MBOAT4: variants seen among roughly 807,000 people sequenced by gnomAD.
The protein encoded by MBOAT4 is membrane-bound ghrelin O-acyltransferase MBOAT4.
In MBOAT4, 11 loss-of-function variants were observed where a neutral mutation model predicts 13.2. That is an observed-to-expected ratio of 0.84 (90% CI 0.53 to 1.38). The LOEUF (loss-of-function observed/expected upper bound fraction) is 1.38, where lower values mean the gene tolerates loss of function less well. Among genes scored for constraint, MBOAT4 ranks in the 40% most tolerant of loss-of-function variants. The probability of loss-of-function intolerance (pLI) is 0.00; values close to 1 mark genes in which losing one functional copy is unlikely to be tolerated. For missense variants in MBOAT4, 481 were observed against 527.2 expected (o/e 0.91, Z 0.86); for synonymous variants, 202 against 210.3 (o/e 0.96, Z 0.34).
intron 1 of MBOAT4, among the ~76,000 whole-genome samples, chr8:30,143,187 A>G (rs1803290251): frequency 6.6e-6 from 1 of 152,054 alleles, no homozygotes; most frequent in South Asian, 2.1e-4. Flanking sequence ...ATTTTTAAAA[A>G]TGTATTTCAA....
intron 1 of MBOAT4, among the ~76,000 whole-genome samples, chr8:30,142,128 G>A (rs1304208232): frequency 6.6e-6 from 1 of 152,226 alleles, no homozygotes; most frequent in Non-Finnish European, 1.5e-5. Context: ...ACTTAGCAAT[G>A]TGTGACTTAG....
intron 1 of MBOAT4, among the ~76,000 whole-genome samples, chr8:30,143,231 C>T (rs557868162): frequency 1.3e-5 from 2 of 151,850 alleles, no homozygotes; most frequent in East Asian, 1.9e-4. Context: ...ACCTATAGTC[C>T]CAGGTACTGG....
At chr8:30,137,186 C>T in intron 2 of MBOAT4, 1 of 1,030,556 alleles carries the variant, frequency 9.7e-7, no homozygotes, top group Non-Finnish European at 1.5e-6. Flanking sequence ...GATCACAAAG[C>T]AATGTTTCCT....
intron 2 of MBOAT4, chr8:30,137,202 C>G: frequency 1.7e-6 from 2 of 1,165,730 alleles, no homozygotes; most frequent in East Asian, 2.6e-5. Flanking sequence ...TTCCTCTCAT[C>G]TCAGGGATCT....
At chr8:30,137,924 A>C (rs1803182845) in intron 2 of MBOAT4, 1 of 225,352 alleles carries the variant, frequency 4.4e-6, no homozygotes, top group African/African-American at 2.3e-5. Context: ...TCTAAGGCCT[A>C]ACATCAGTGC....
At chr8:30,137,258 T>C (rs1803167772) in intron 2 of MBOAT4, 1 of 1,544,136 alleles carries the variant, frequency 6.5e-7, no homozygotes. Context: ...TAGCTCTTGA[T>C]TTCTGTTTTC....
chr8:30,140,980 G>A (rs1585488787), intron 1 of MBOAT4, among the ~76,000 whole-genome samples: 1 of 151,846 alleles, frequency 6.6e-6, no homozygotes. Flanking sequence ...TGGGACTATC[G>A]ACACGCACCA....
chr8:30,135,420 A>G (rs774918623), intron 2 of MBOAT4, among the ~76,000 whole-genome samples: 1 of 152,224 alleles, frequency 6.6e-6, no homozygotes, highest in Non-Finnish European at 1.5e-5. Context: ...TGAAGAAAAG[A>G]TAGGAAGCTG....
Position 30,132,043 on chromosome 8 carries a change from G to A in MBOAT4, c.1208C>T (p.Ser403Phe). 6.4e-7 allele frequency: 1 copy of A among 1,551,824 alleles called. No homozygotes were observed. Among genetic ancestry groups the A allele is most frequent in the Non-Finnish European group, 8.7e-7 (1 of 1,147,026 alleles). The change falls in exon 3 of 3, where the codon TCC becomes TTC. Residue 403 changes from serine to phenylalanine, a missense_variant. Coordinates refer to ENST00000320542, the MANE Select transcript of MBOAT4 (RefSeq NM_001100916.2). ...CGAATTACAGAGCAACCAGAGAGAG[G>A]AGAGACTCCTGACCTCCACAGCCAG... ...IMLAVEVRSLSSLWLLCNSYN... is the reference protein window; with the variant it reads ...IMLAVEVRSLFSLWLLCNSYN...
At chr8:30,141,364 G>T (rs950679480) in intron 1 of MBOAT4, among the ~76,000 whole-genome samples, 2 of 152,174 alleles carry the variant, frequency 1.3e-5, no homozygotes, top group Non-Finnish European at 2.9e-5. Context: ...GCAGGGCGTG[G>T]TGGCTCATGC....
At chr8:30,139,996 T>G (rs1199470425) in intron 1 of MBOAT4, among the ~76,000 whole-genome samples, 2 of 152,138 alleles carry the variant, frequency 1.3e-5, no homozygotes, top group Non-Finnish European at 2.9e-5. Context: ...GTTTATTATA[T>G]CCTGTCACGA....
At chr8:30,137,983 C>G in intron 2 of MBOAT4, 1 of 183,534 alleles carries the variant, frequency 5.4e-6, no homozygotes, top group Admixed American at 5.3e-5. Context: ...TGGTACTACC[C>G]AGACCGATAA....
chr8:30,138,797 G>T (rs7823643), intron 1 of MBOAT4, 41 bp from the exon 2 acceptor site: 39 of 1,468,390 alleles, frequency 2.7e-5, no homozygotes, highest in Non-Finnish European at 3.2e-5. Flanking sequence ...GACTTAGAAC[G>T]GCACAGCAAA....
In MBOAT4 at chr8:30,141,270, C is replaced by G. The variant is rs111344435; in HGVS notation, c.120-2514G>C. Among the ~76,000 whole-genome samples, 356 of 152,238 alleles carry G rather than the reference C, an allele frequency of 2.3e-3. 5 individuals carry two copies. The highest frequency in any genetic ancestry group is 7.5e-3 in the African/African-American group (310 of 41,536). ...TTCACATTACGCACACTTGGTTCTT[C>G]CTTCTGCATTATATGGAGGCTTGTT... On this transcript the variant is annotated intron_variant, in intron 1 of 2. Coordinates refer to ENST00000320542, the MANE Select transcript of MBOAT4 (RefSeq NM_001100916.2).
intron 2 of MBOAT4, among the ~76,000 whole-genome samples, chr8:30,134,998 C>T (rs1479618095): frequency 6.6e-6 from 1 of 152,074 alleles, no homozygotes; most frequent in Non-Finnish European, 1.5e-5. Flanking sequence ...TCCCACCTCT[C>T]CCTCCTGAGA....
At chr8:30,136,403 A>G (rs1331160115) in intron 2 of MBOAT4, among the ~76,000 whole-genome samples, 1 of 152,176 alleles carries the variant, frequency 6.6e-6, no homozygotes. Context: ...AGCCCTGCTG[A>G]CGTCATCATC....
chr8:30,132,305 G>C lies in MBOAT4; in HGVS notation c.946C>G (p.Arg316Gly), dbSNP rs144856522. The change falls in exon 3 of 3, where the codon CGG becomes GGG. Residue 316 changes from arginine to glycine, a missense_variant. Arg to Gly is a moderately radical substitution (Grantham distance 125). Coordinates refer to ENST00000320542, the MANE Select transcript of MBOAT4 (RefSeq NM_001100916.2). ...WNQSTARWLR[R>G]LVFQHSRAWP... is the part of the protein sequence containing the mutation. ...GCCCTGCTGTGCTGGAATACAAGCC[G>C]TCGGAGCCATCGAGCTGTGCTTTGG... 3 of 1,551,646 alleles carry C rather than the reference G, an allele frequency of 1.9e-6. No individual in the cohort carries two copies. The South Asian group carries it at 3.6e-5, about 18-fold the overall frequency.
intron 2 of MBOAT4, among the ~76,000 whole-genome samples, chr8:30,133,694 T>C (rs780172517): frequency 6.7e-6 from 1 of 148,802 alleles, no homozygotes; most frequent in Non-Finnish European, 1.5e-5. Context: ...GAGGCTGACG[T>C]GGGTGGAACC....
Position 30,144,573 on chromosome 8 carries a change from T to C in MBOAT4, c.29A>G (p.His10Arg). 6.4e-7 allele frequency: 1 copy of C among 1,551,406 alleles called. No individual in the cohort carries two copies. Among genetic ancestry groups the C allele is most frequent in the Non-Finnish European group, 8.7e-7 (1 of 1,146,878 alleles). MEWLWLFFL[H>R]PISFYQGAAF... is the part of the protein sequence containing the mutation. ...AGCCCCCTGGTAAAACGATATAGGA[T>C]GGAGAAAGAACAGCCAAAGCCACTC... Residue 10 changes from histidine (H) to arginine (R), a missense_variant, in exon 1 of 3, where the codon CAT (histidine) becomes CGT (arginine). Coordinates refer to ENST00000320542, the MANE Select transcript of MBOAT4 (RefSeq NM_001100916.2).
Sources: allele counts gnomAD v4.1 joint callset (sites outside exome capture counted in the v4.1 genomes callset), GRCh38; gene constraint gnomAD v4.1.1; transcripts MANE v1.5; gene names NCBI Gene and HGNC (gene_info 2026-07-23, HGNC 2026-07-21).